DSCAM: variants seen among roughly 807,000 people sequenced by gnomAD.
DSCAM encodes the protein cell adhesion molecule DSCAM.
A neutral mutation model predicts 217.7 loss-of-function variants in DSCAM; 47 were observed. The observed-to-expected ratio is 0.22, with a 90% confidence interval of 0.17 to 0.28. The LOEUF (loss-of-function observed/expected upper bound fraction) is 0.28, where lower values mean the gene tolerates loss of function less well. Among genes scored for constraint, DSCAM ranks in the 10% least tolerant of loss-of-function variants. The pLI is 1.00. For synonymous variants in DSCAM, 1,056 were observed against 1,015.3 expected (o/e 1.04, Z -0.76); for missense variants, 2,080 against 2,618.3 (o/e 0.79, Z 4.49).
At chr21:40,239,033 T>C (rs1160976315) in intron 11 of DSCAM, among the ~76,000 whole-genome samples, 2 of 152,324 alleles carry the variant, frequency 1.3e-5, no homozygotes, top group Admixed American at 1.3e-4. Context: ...TCCCTAGGAA[T>C]GGCTTCAGAG....
intron 11 of DSCAM, among the ~76,000 whole-genome samples, chr21:40,189,490 AG>A (rs1284498240): frequency 1.3e-5 from 2 of 152,168 alleles, no homozygotes; most frequent in Non-Finnish European, 2.9e-5. Context: ...AACCCTGTTG[AG>A]GGCTATGGCC....
intron 3 of DSCAM, among the ~76,000 whole-genome samples, chr21:40,598,568 G>A (rs571185582): frequency 2.4e-5 from 3 of 124,614 alleles, no homozygotes; most frequent in African/African-American, 9.2e-5. Context: ...GCAGTGGCAC[G>A]ATCTTGGCTC....
intron 9 of DSCAM, among the ~76,000 whole-genome samples, chr21:40,307,194 G>T (rs1264873681): frequency 1.3e-5 from 2 of 151,420 alleles, no homozygotes; most frequent in Admixed American, 1.3e-4. Context: ...TCTGACAAAG[G>T]GCTAATATCC....
intron 32 of DSCAM, among the ~76,000 whole-genome samples, chr21:40,028,804 C>G (rs1003276473): frequency 6.6e-6 from 1 of 152,234 alleles, no homozygotes; most frequent in Non-Finnish European, 1.5e-5. Context: ...TTCTGCGTCG[C>G]TCACGCTGGG....
At chr21:40,474,108 CA>C (rs1216069363) in intron 3 of DSCAM, among the ~76,000 whole-genome samples, 2 of 152,038 alleles carry the variant, frequency 1.3e-5, no homozygotes, top group Non-Finnish European at 2.9e-5. Context: ...GCCTGGCCAA[CA>C]TGGTGAAACC....
At chr21:40,608,854 T>C (rs2089276854) in intron 3 of DSCAM, among the ~76,000 whole-genome samples, 5 of 152,218 alleles carry the variant, frequency 3.3e-5, no homozygotes, top group African/African-American at 9.6e-5. Context: ...AATTTAAGGT[T>C]ATTAATTCCA....
intron 3 of DSCAM, among the ~76,000 whole-genome samples, chr21:40,610,060 C>A (rs73905006): frequency 6.6e-6 from 1 of 152,160 alleles, no homozygotes; most frequent in African/African-American, 2.4e-5. Context: ...CAACCAAACA[C>A]CTTTAAAACA....
intron 18 of DSCAM, among the ~76,000 whole-genome samples, chr21:40,141,975 TAC>T (rs72076559): frequency 0.056 from 8,038 of 142,890 alleles, 399 homozygotes; most frequent in African/African-American, 0.13. Context: ...CCACTTGAAA[TAC>T]ACACACACAC....
intron 1 of DSCAM, among the ~76,000 whole-genome samples, chr21:40,785,139 G>T (rs1433252060): frequency 1.3e-5 from 2 of 152,184 alleles, no homozygotes; most frequent in Non-Finnish European, 2.9e-5. Flanking sequence ...AAAACAATTT[G>T]CATTGAGCCA....
At chr21:40,273,310 TACAA>T (rs1284017938) in intron 11 of DSCAM, among the ~76,000 whole-genome samples, 1 of 152,222 alleles carries the variant, frequency 6.6e-6, no homozygotes, top group East Asian at 1.9e-4. Flanking sequence ...GATAAACTAA[TACAA>T]ACAGTCATGA....
chr21:40,546,713 T>C (rs533697942), intron 3 of DSCAM, among the ~76,000 whole-genome samples: 2 of 152,320 alleles, frequency 1.3e-5, no homozygotes, highest in South Asian at 4.1e-4. Flanking sequence ...TAAGTTTGAT[T>C]TAGCAAAAAT....
At chr21:40,818,226 T>C (rs917229169) in intron 1 of DSCAM, among the ~76,000 whole-genome samples, 6 of 150,476 alleles carry the variant, frequency 4.0e-5, no homozygotes, top group Non-Finnish European at 8.9e-5. Flanking sequence ...CCCGCCCCCA[T>C]GCGATGTGTT....
chr21:40,217,039 T>G (rs1339534017), intron 11 of DSCAM, among the ~76,000 whole-genome samples: 4 of 152,178 alleles, frequency 2.6e-5, no homozygotes, highest in Admixed American at 2.6e-4. Context: ...CTCCTCAAAC[T>G]CTAAAACACA....
intron 3 of DSCAM, among the ~76,000 whole-genome samples, chr21:40,372,788 G>T (rs758344240): frequency 1.3e-5 from 2 of 152,186 alleles, no homozygotes; most frequent in Non-Finnish European, 2.9e-5. Flanking sequence ...AGGCTTTTAG[G>T]ACTTTGTATA....
chr21:40,651,063 A>G (rs1184357294), intron 3 of DSCAM, among the ~76,000 whole-genome samples: 2 of 152,134 alleles, frequency 1.3e-5, no homozygotes, highest in Non-Finnish European at 1.5e-5. Flanking sequence ...GATCCGAGGA[A>G]AAGTTGAGGT....
At chr21:40,410,754 C>G (rs539768084) in intron 3 of DSCAM, among the ~76,000 whole-genome samples, 2 of 119,386 alleles carry the variant, frequency 1.7e-5, no homozygotes, top group Non-Finnish European at 4.0e-5. Context: ...ATTCTCTATA[C>G]AGTACAAAAA....
chr21:40,124,145 G>A (rs781730228), intron 20 of DSCAM, 50 bp downstream of exon 20: 4 of 1,611,018 alleles, frequency 2.5e-6, no homozygotes, highest in Non-Finnish European at 3.4e-6. Context: ...AGCACCTGCA[G>A]CTCGTCCCTG....
At chr21:40,223,277 C>T (rs887791643) in intron 11 of DSCAM, among the ~76,000 whole-genome samples, 1 of 152,236 alleles carries the variant, frequency 6.6e-6, no homozygotes, top group Non-Finnish European at 1.5e-5. Flanking sequence ...GTCCTTAGTC[C>T]TGCAACCCAG....
At chr21:40,432,448 C>T (rs2075543826) in intron 3 of DSCAM, among the ~76,000 whole-genome samples, 1 of 152,068 alleles carries the variant, frequency 6.6e-6, no homozygotes, top group Non-Finnish European at 1.5e-5. Context: ...CTTATGAGGA[C>T]CCTTGGGGTT....
Sources: allele counts gnomAD v4.1 joint callset (sites outside exome capture counted in the v4.1 genomes callset), GRCh38; gene constraint gnomAD v4.1.1; transcripts MANE v1.5; gene names NCBI Gene and HGNC (gene_info 2026-07-23, HGNC 2026-07-21).